The following DCC variants were observed in gnomAD, a reference collection of about 807,000 sequenced individuals.
DCC encodes the protein DCC netrin 1 receptor.
In DCC, 58 loss-of-function variants were observed where a neutral mutation model predicts 172.5. That is an observed-to-expected ratio of 0.34 (90% CI 0.27 to 0.42). DCC has a LOEUF of 0.42. Ranked by LOEUF, DCC falls within the 10% of genes least tolerant of loss-of-function variation. The pLI, the probability that DCC is intolerant of heterozygous loss-of-function variation, is 1.00. For missense variants in DCC, 1,740 were observed against 1,791.0 expected (o/e 0.97, Z 0.51); for synonymous variants, 709 against 644.5 (o/e 1.10, Z -1.52).
intron 1 of DCC, among the ~76,000 whole-genome samples, chr18:52,360,697 A>G (rs2144268677): frequency 6.6e-6 from 1 of 152,340 alleles, no homozygotes; most frequent in East Asian, 1.9e-4. Flanking sequence ...AAACTACTGT[A>G]TGATTTTATG....
intron 27 of DCC, among the ~76,000 whole-genome samples, chr18:53,520,330 TGAC>T (rs140988306): frequency 1.0e-3 from 153 of 152,236 alleles, no homozygotes; most frequent in Admixed American, 1.8e-3. Context: ...TCCACATGCC[TGAC>T]GACTACATTG....
At chr18:53,392,880 A>G (rs1269916690) in intron 17 of DCC, among the ~76,000 whole-genome samples, 1 of 152,204 alleles carries the variant, frequency 6.6e-6, no homozygotes, top group Admixed American at 6.5e-5. Context: ...CACATTTAGA[A>G]CTTAAAACTT....
intron 7 of DCC, among the ~76,000 whole-genome samples, chr18:53,111,415 TAAAA>T (rs1197015944): frequency 2.1e-5 from 2 of 95,904 alleles, no homozygotes; most frequent in African/African-American, 8.8e-5. Context: ...TAAAATAAAA[TAAAA>T]AAAGACAAAA....
chr18:52,901,723 A>C (rs534797340), intron 2 of DCC, among the ~76,000 whole-genome samples: 8 of 152,328 alleles, frequency 5.3e-5, no homozygotes, highest in Non-Finnish European at 1.0e-4. Flanking sequence ...CCAAAGCTCA[A>C]ATCCAACTTT....
At chr18:52,553,431 A>G (rs567263554) in intron 1 of DCC, among the ~76,000 whole-genome samples, 16 of 152,160 alleles carry the variant, frequency 1.1e-4, no homozygotes, top group African/African-American at 3.9e-4. Context: ...GTGAAGTGGT[A>G]TAAGTTTTGA....
intron 5 of DCC, among the ~76,000 whole-genome samples, chr18:53,008,633 C>G (rs536020214): frequency 2.3e-4 from 35 of 151,874 alleles, no homozygotes; most frequent in Admixed American, 1.3e-3. Context: ...CATTTTAGTA[C>G]CATTGGCCAC....
At chr18:52,887,636 C>A (rs1488253238) in intron 2 of DCC, among the ~76,000 whole-genome samples, 2 of 151,942 alleles carry the variant, frequency 1.3e-5, no homozygotes, top group Non-Finnish European at 2.9e-5. Flanking sequence ...TAATACAATC[C>A]CTGTGGATAC....
chr18:52,654,400 T>C (rs1051403108), intron 1 of DCC, among the ~76,000 whole-genome samples: 12 of 152,172 alleles, frequency 7.9e-5, no homozygotes, highest in Admixed American at 2.0e-4. Context: ...ATTCATTTTC[T>C]AGGGCTGCTA....
At position 53,109,420 on chromosome 18, in the gene DCC, AT is replaced by A. The variant is rs527905715; in HGVS notation, c.1261+43260del. On this transcript the variant is annotated intron_variant, in intron 7 of 28. Transcript: ENST00000442544. The stretch of plus-strand genomic sequence containing the variant: ...CAATATTTATTAAATCCTCTTTATT[AT>A]TTTTTAAAAATATTTTATAGTTTTC... 5.3e-5 allele frequency among the ~76,000 whole-genome samples: 8 copies of A among 151,454 alleles called. No individual in the cohort carries two copies. In the South Asian group the frequency reaches 6.2e-4, roughly 12 times the overall value.
chr18:52,362,787 C>G (rs1984678147), intron 1 of DCC, among the ~76,000 whole-genome samples: 1 of 152,088 alleles, frequency 6.6e-6, no homozygotes, highest in Non-Finnish European at 1.5e-5. Context: ...TTAGCCCCCC[C>G]CACTCCCCTC....
intron 21 of DCC, among the ~76,000 whole-genome samples, chr18:53,418,747 G>A (rs1910462947): frequency 6.6e-6 from 1 of 152,160 alleles, no homozygotes; most frequent in Admixed American, 6.6e-5. Context: ...GATCTGCCAT[G>A]AAGAACATAA....
At chr18:52,948,135 G>A (rs2040578186) in intron 5 of DCC, among the ~76,000 whole-genome samples, 1 of 152,172 alleles carries the variant, frequency 6.6e-6, no homozygotes, top group African/African-American at 2.4e-5. Context: ...TGTTGTTACT[G>A]ATTCAGGATA....
At chr18:53,508,844 C>T (rs1598825115) in intron 27 of DCC, among the ~76,000 whole-genome samples, 1 of 152,188 alleles carries the variant, frequency 6.6e-6, no homozygotes, top group South Asian at 2.1e-4. Context: ...TTCATTTGGA[C>T]AGGGCTTGCT....
intron 1 of DCC, among the ~76,000 whole-genome samples, chr18:52,477,470 G>T (rs897857386): frequency 6.6e-6 from 1 of 152,174 alleles, no homozygotes; most frequent in Non-Finnish European, 1.5e-5. Context: ...GAAGTCACTT[G>T]TGTCAAACTC....
At chr18:52,975,514 C>A (rs979823318) in intron 5 of DCC, among the ~76,000 whole-genome samples, 1 of 152,114 alleles carries the variant, frequency 6.6e-6, no homozygotes, top group African/African-American at 2.4e-5. Context: ...CTCCTCCCAC[C>A]TTCCACCCTC....
In DCC at chr18:53,179,074, G is replaced by A. The variant is rs2055154096; in HGVS notation, c.1531G>A (p.Gly511Arg). ...RVVAYNEWGP[G>R]ESSQPIKVAT... ...TGTGGCTTACAATGAATGGGGACCG[G>A]GAGAGAGTTCTCAACCCATCAAGGT... is the stretch of plus-strand genomic sequence containing the variant. The change falls in exon 9 of 29, where the codon GGA becomes AGA. Residue 511 changes from glycine to arginine, a missense_variant. By Grantham distance (125) the Gly-to-Arg change is moderately radical (BLOSUM62 -2). Coordinates refer to ENST00000442544, the MANE Select transcript of DCC (RefSeq NM_005215.4). 6.2e-7 allele frequency: 1 copy of A among 1,613,860 alleles called. No homozygotes were observed. The highest frequency in any genetic ancestry group is 1.3e-5 in the African/African-American group (1 of 74,918).
rs1403023322 is a variant in DCC at position 53,059,061 on chromosome 18, T to A, written c.986-4244T>A. 2.6e-5 allele frequency among the ~76,000 whole-genome samples: 4 copies of A among 152,134 alleles called. No homozygotes were observed. In the East Asian group the frequency reaches 7.7e-4, roughly 29 times the overall value. ...GTCTTGGTGGAAGGGGAGGCAAACA[T>A]GTCTTTGTTCACATGGTGGCAGCAA... On this transcript the variant is annotated intron_variant, in intron 5 of 28. Coordinates refer to ENST00000442544, the MANE Select transcript of DCC (RefSeq NM_005215.4).
At chr18:52,408,796 TG>T (rs759212188) in intron 1 of DCC, among the ~76,000 whole-genome samples, 85 of 152,258 alleles carry the variant, frequency 5.6e-4, no homozygotes, top group Non-Finnish European at 9.3e-4. Context: ...CAAATTGTTG[TG>T]CATTTTGTGA....
intron 5 of DCC, among the ~76,000 whole-genome samples, chr18:52,998,912 T>TA (rs1430737448): frequency 3.3e-5 from 5 of 152,200 alleles, no homozygotes; most frequent in Non-Finnish European, 5.9e-5. Flanking sequence ...GTACTAGCCT[T>TA]AATAAACAAA....
Sources: allele counts gnomAD v4.1 joint callset (sites outside exome capture counted in the v4.1 genomes callset), GRCh38; gene constraint gnomAD v4.1.1; transcripts MANE v1.5; gene names NCBI Gene and HGNC (gene_info 2026-07-23, HGNC 2026-07-21).